The following PGPEP1L variants were observed in gnomAD, a reference collection of about 807,000 sequenced individuals.
PGPEP1L encodes pyroglutamyl-peptidase I like, also known as pyroglutamyl-peptidase 1-like protein.
In PGPEP1L, 7 loss-of-function variants were observed where a neutral mutation model predicts 6.0. The observed-to-expected ratio is 1.17, with a 90% CI of 0.66 to 2.19. The LOEUF (loss-of-function observed/expected upper bound fraction) is 2.19, where lower values mean the gene tolerates loss of function less well. Ranked by LOEUF, PGPEP1L falls within the 30% of genes most tolerant of loss-of-function variation. PGPEP1L has a pLI of 0.00. For synonymous variants in PGPEP1L, 103 were observed against 83.9 expected, an observed-to-expected ratio of 1.23 and a Z score of -1.24; for missense variants, 209 against 192.5, an observed-to-expected ratio of 1.09 and a Z score of -0.51.
chr15:98,974,237 GGCCT>G (rs1024401828), intron 2 of PGPEP1L, among the ~76,000 whole-genome samples: 3 of 152,036 alleles, frequency 2.0e-5, no homozygotes, highest in African/African-American at 7.2e-5. Flanking sequence ...AAATTAGCTA[GGCCT>G]GCTGGCGCAC....
At chr15:98,970,150 G>A (rs1208650347) in intron 3 of PGPEP1L, among the ~76,000 whole-genome samples, 2 of 152,176 alleles carry the variant, frequency 1.3e-5, no homozygotes, top group African/African-American at 2.4e-5. Flanking sequence ...CCGGGTTCAA[G>A]TGATTATCCT....
intron 2 of PGPEP1L, among the ~76,000 whole-genome samples, chr15:98,985,877 T>C (rs1463011614): frequency 3.3e-5 from 5 of 152,252 alleles, no homozygotes; most frequent in African/African-American, 4.8e-5. Context: ...TTAGCCTTCA[T>C]TGCTGCTTCC....
intron 2 of PGPEP1L, among the ~76,000 whole-genome samples, chr15:98,981,753 G>A (rs900372055): frequency 6.6e-6 from 1 of 152,134 alleles, no homozygotes; most frequent in Non-Finnish European, 1.5e-5. Flanking sequence ...GGTTAATAAT[G>A]GGAAGAATTG....
intron 2 of PGPEP1L, among the ~76,000 whole-genome samples, chr15:98,987,058 T>C (rs2017756062): frequency 3.4e-5 from 5 of 148,332 alleles, no homozygotes; most frequent in Admixed American, 1.4e-4. Flanking sequence ...TCCCAGCTAA[T>C]TGGGAGGCTG....
At chr15:98,978,481 C>G (rs1489448521) in intron 2 of PGPEP1L, among the ~76,000 whole-genome samples, 1 of 151,998 alleles carries the variant, frequency 6.6e-6, no homozygotes, top group Non-Finnish European at 1.5e-5. Flanking sequence ...TGACATTTTT[C>G]AAGATTTGTA....
At chr15:98,997,842 G>A (rs1207938483) in intron 2 of PGPEP1L, among the ~76,000 whole-genome samples, 8 of 152,022 alleles carry the variant, frequency 5.3e-5, no homozygotes, top group South Asian at 2.1e-4. Flanking sequence ...CTGGGCCAGC[G>A]AACCTGCTCT....
chr15:98,978,726 ATTTTTTT>A lies in PGPEP1L; in HGVS notation c.-141-7575_-141-7569del, dbSNP rs57804945. On this transcript the variant is annotated intron_variant, in intron 2 of 4. Coordinates refer to ENST00000535714, the MANE Select transcript of PGPEP1L (RefSeq NM_001167902.2). ...ACTGTGTATATATATATATATATAT[ATTTTTTT>A]TTTTTTTTTTTTTTTGAGGCACAGT... Among the ~76,000 whole-genome samples, 472 of 85,222 alleles carry A rather than the reference ATTTTTTT, an allele frequency of 5.5e-3. 2 individuals carry two copies. The highest frequency in any genetic ancestry group is 0.017 in the African/African-American group (330 of 19,536). 55.9% of individuals were successfully genotyped at this position (85,222 alleles called of 152,430 possible). A position where few individuals can be genotyped will look rare whatever the true frequency, so the allele number is the denominator to read the frequency against.
chr15:98,970,306 A>C (rs2017475253), intron 3 of PGPEP1L, among the ~76,000 whole-genome samples: 1 of 152,186 alleles, frequency 6.6e-6, no homozygotes, highest in Non-Finnish European at 1.5e-5. Context: ...GGCCTCCCAA[A>C]GTGCTGGGAT....
chr15:98,976,838 ATTTT>A (rs1394761259), intron 2 of PGPEP1L, among the ~76,000 whole-genome samples: 1 of 152,174 alleles, frequency 6.6e-6, no homozygotes, highest in African/African-American at 2.4e-5. Context: ...ACAGATTATT[ATTTT>A]ATTTCACTGA....
At chr15:98,984,007 GTCTTT>G (rs1019270386) in intron 2 of PGPEP1L, among the ~76,000 whole-genome samples, 3 of 124,636 alleles carry the variant, frequency 2.4e-5, no homozygotes, top group African/African-American at 3.0e-5. Flanking sequence ...GGAGTAAGTA[GTCTTT>G]TTTTTTTTTT....
intron 2 of PGPEP1L, among the ~76,000 whole-genome samples, chr15:98,995,000 G>C (rs1346939325): frequency 2.6e-5 from 4 of 152,048 alleles, no homozygotes; most frequent in Non-Finnish European, 5.9e-5. Flanking sequence ...GTATTCTGTA[G>C]CTTAACTATA....
chr15:98,994,152 G>A (rs952260961), intron 2 of PGPEP1L, among the ~76,000 whole-genome samples: 3 of 152,098 alleles, frequency 2.0e-5, no homozygotes, highest in Non-Finnish European at 4.4e-5. Context: ...TGTAGTCCCA[G>A]CTACTTACGA....
Position 98,968,476 on chromosome 15 carries a change from G to T in PGPEP1L, c.*2C>A. 6.2e-7 allele frequency: 1 copy of T among 1,611,938 alleles called. No individual in the cohort carries two copies. Among genetic ancestry groups the T allele is most frequent in the African/African-American group, 1.3e-5 (1 of 75,018 alleles). On this transcript the variant is annotated 3_prime_UTR_variant, in exon 5 of 5. Coordinates refer to ENST00000535714, the MANE Select transcript of PGPEP1L (RefSeq NM_001167902.2). ...ATTTTCTCTAGAGGAGCAATCCCCCGGTCAGTTCCCTTTGGCTGGAAGGAC... is the reference window on the plus strand; with the variant it reads ...ATTTTCTCTAGAGGAGCAATCCCCCTGTCAGTTCCCTTTGGCTGGAAGGAC...
intron 2 of PGPEP1L, among the ~76,000 whole-genome samples, chr15:98,981,008 G>A (rs888984829): frequency 6.6e-6 from 1 of 152,088 alleles, no homozygotes; most frequent in South Asian, 2.1e-4. Context: ...TAAGATCAAG[G>A]TCATCATGGA....
At position 98,981,439 on chromosome 15, in the gene PGPEP1L, G is replaced by A. The variant is rs549137537; in HGVS notation, c.-141-10281C>T. Reference sequence around the variant, plus strand: ...CGGGAGGCAGAGCTTGCAGTGAGCCGAGATCGCACCACTGCACTCCAGCCT... The same window carrying A: ...CGGGAGGCAGAGCTTGCAGTGAGCCAAGATCGCACCACTGCACTCCAGCCT... On this transcript the variant is annotated intron_variant, in intron 2 of 4. Coordinates refer to ENST00000535714, the MANE Select transcript of PGPEP1L (RefSeq NM_001167902.2). Among the ~76,000 whole-genome samples the A allele has an allele frequency of 2.2e-4, 32 of 146,986 alleles. No individual in the cohort carries two copies. In the East Asian group the frequency reaches 4.7e-3, roughly 22 times the overall value.
chr15:98,975,077 T>C (rs778962000), intron 2 of PGPEP1L, among the ~76,000 whole-genome samples: 20 of 134,206 alleles, frequency 1.5e-4, no homozygotes, highest in Non-Finnish European at 2.6e-4. Context: ...TAAGTGCCCA[T>C]GAATGAATGA....
intron 2 of PGPEP1L, among the ~76,000 whole-genome samples, chr15:98,987,165 C>CAAAAAAAAAAAAAAAAAAAAAAAAAA (rs57923635): frequency 3.0e-5 from 1 of 33,384 alleles, no homozygotes; most frequent in African/African-American, 1.1e-4. Flanking sequence ...GACTCCATCT[C>CAAAAAAAAAAAAAAAAAAAAAAAAAA]AAAAAAAAAA....
chr15:98,986,445 TTGA>T (rs2017748241), intron 2 of PGPEP1L, among the ~76,000 whole-genome samples: 1 of 152,378 alleles, frequency 6.6e-6, no homozygotes, highest in Admixed American at 6.5e-5. Flanking sequence ...GTAGAGCTTC[TTGA>T]TGAGTGTCTG....
intron 2 of PGPEP1L, among the ~76,000 whole-genome samples, chr15:98,981,827 A>G (rs2017668053): frequency 6.6e-6 from 1 of 152,208 alleles, no homozygotes; most frequent in South Asian, 2.1e-4. Context: ...TTTTAAATAA[A>G]AAGTTTGTCT....
Sources: allele counts gnomAD v4.1 joint callset (sites outside exome capture counted in the v4.1 genomes callset), GRCh38; gene constraint gnomAD v4.1.1; transcripts MANE v1.5; gene names NCBI Gene and HGNC (gene_info 2026-07-23, HGNC 2026-07-21).